MYO10: variants seen among roughly 807,000 people sequenced by gnomAD.
MYO10 encodes the protein unconventional myosin-X.
In MYO10, 133 loss-of-function variants were observed where a neutral mutation model predicts 257.3. The observed-to-expected ratio is 0.52, with a 90% CI of 0.45 to 0.60. MYO10 has a LOEUF of 0.60. Ranked by LOEUF, MYO10 falls within the 20% of genes least tolerant of loss-of-function variation. The pLI, the probability that MYO10 is intolerant of heterozygous loss-of-function variation, is 0.00. For missense variants in MYO10, 2,399 were observed against 2,635.7 expected (o/e 0.91, Z 1.97); for synonymous variants, 1,104 against 1,028.6 (o/e 1.07, Z -1.40).
intron 19 of MYO10, among the ~76,000 whole-genome samples, chr5:16,740,334 C>A (rs544450514): frequency 6.6e-6 from 1 of 150,944 alleles, no homozygotes; most frequent in South Asian, 2.1e-4. Context: ...TAATTCAGGG[C>A]GGCTAATGCT....
At chr5:16,668,593 T>A (rs370450782) in intron 39 of MYO10, 125 bp from the exon 40 acceptor site, 2 of 687,122 alleles carry the variant, frequency 2.9e-6, no homozygotes, top group East Asian at 5.9e-5. Context: ...TCGATGTGCA[T>A]GCATGCATGG....
Position 16,689,841 on chromosome 5 carries a change from C to T in MYO10, c.3879G>A (p.Glu1293=), listed in dbSNP as rs1737414843. Residue 1293 remains glutamate (E), a synonymous_variant, in exon 28 of 41, where the codon GAG becomes GAA. Transcript: ENST00000513610. The part of the protein sequence containing the change: ...MADRTFHLIA[E]SPEDASQWFS... The stretch of plus-strand genomic sequence containing the variant: ...AGACTCACCTGGCATCTTCTGGGGA[C>T]TCTGCAATCAGGTGGAAAGTCCTAT... The T allele has an allele frequency of 6.2e-7, 1 of 1,613,196 alleles. No homozygotes were observed. Among genetic ancestry groups the T allele is most frequent in the Non-Finnish European group, 8.5e-7 (1 of 1,179,280 alleles).
At chr5:16,778,852 G>C (rs559867290) in intron 9 of MYO10, among the ~76,000 whole-genome samples, 94 of 152,114 alleles carry the variant, frequency 6.2e-4, no homozygotes, top group Non-Finnish European at 1.1e-3. Context: ...CACCACGCCC[G>C]GCTAATTGTT....
At chr5:16,668,600 A>AT (rs1736290225) in intron 39 of MYO10, 132 bp from the exon 40 acceptor site, 1 of 626,524 alleles carries the variant, frequency 1.6e-6, no homozygotes, top group East Asian at 3.0e-5. Context: ...GCATGCATGC[A>AT]TGGAGGGGCC....
intron 2 of MYO10, among the ~76,000 whole-genome samples, chr5:16,839,719 T>A (rs933610292): frequency 6.6e-6 from 1 of 152,128 alleles, no homozygotes; most frequent in African/African-American, 2.4e-5. Context: ...CCCACCTGGG[T>A]GACAGAGTGA....
At chr5:16,754,532 G>GA (rs1307316181) in intron 19 of MYO10, among the ~76,000 whole-genome samples, 1 of 149,714 alleles carries the variant, frequency 6.7e-6, no homozygotes, top group Non-Finnish European at 1.5e-5. Flanking sequence ...ATCACACTCT[G>GA]AAACTTTTCC....
chr5:16,900,596 T>C (rs773456216), intron 1 of MYO10, among the ~76,000 whole-genome samples: 5 of 152,004 alleles, frequency 3.3e-5, no homozygotes, highest in East Asian at 1.9e-4. Flanking sequence ...CCGGTGACAA[T>C]TGGATAGAGC....
At chr5:16,689,469 T>C (rs890911) in intron 28 of MYO10, among the ~76,000 whole-genome samples, 44,742 of 151,764 alleles carry the variant, frequency 0.29, 6,758 homozygotes, top group South Asian at 0.38. Flanking sequence ...CAAACACAAA[T>C]GATTCACTTT....
chr5:16,747,933 A>G (rs1296243610), intron 19 of MYO10, among the ~76,000 whole-genome samples: 9 of 123,052 alleles, frequency 7.3e-5, no homozygotes, highest in African/African-American at 4.7e-4. Flanking sequence ...AAAAAAAAAA[A>G]AAAAAAAAAA....
intron 2 of MYO10, among the ~76,000 whole-genome samples, chr5:16,851,184 A>G (rs978872858): frequency 6.6e-6 from 1 of 152,164 alleles, no homozygotes; most frequent in African/African-American, 2.4e-5. Context: ...TCTGAACTTG[A>G]AGTCCTTCAG....
intron 3 of MYO10, among the ~76,000 whole-genome samples, chr5:16,804,737 A>G (rs1742221382): frequency 6.6e-6 from 1 of 152,086 alleles, no homozygotes; most frequent in African/African-American, 2.4e-5. Flanking sequence ...CAATGTGGCG[A>G]AACCCCATCT....
At chr5:16,788,283 A>G (rs1277882060) in intron 4 of MYO10, among the ~76,000 whole-genome samples, 1 of 152,120 alleles carries the variant, frequency 6.6e-6, no homozygotes, top group African/African-American at 2.4e-5. Context: ...AGTGACAGGG[A>G]GGCATCAGGG....
rs964083379 is a variant in MYO10, at chr5:16,681,291, G to A, written c.4384+18C>T. On this transcript the variant is annotated intron_variant, in intron 32 of 40. Transcript: ENST00000513610. ...TTTAAGATTTGATGCTCAGGGTTCG[G>A]GCAGCCAGCCTGGTTACCTGTCTCT... The A allele has an allele frequency of 6.3e-7, 1 of 1,598,704 alleles. No homozygotes were observed. Among genetic ancestry groups the A allele is most frequent in the South Asian group, 1.1e-5 (1 of 88,146 alleles).
intron 8 of MYO10, among the ~76,000 whole-genome samples, chr5:16,779,966 A>G (rs1442835828): frequency 6.6e-6 from 1 of 152,192 alleles, no homozygotes; most frequent in African/African-American, 2.4e-5. Context: ...CAGTGGCACA[A>G]TCTCAGCTCA....
rs1290189637 is a variant in MYO10 at position 16,761,660 on chromosome 5, A to AT, written c.1657-115dup. On this transcript the variant is annotated intron_variant, in intron 16 of 40. Coordinates refer to ENST00000513610, the MANE Select transcript of MYO10 (RefSeq NM_012334.3). ...ATCATTCCAAGAAATTTATTTATTT[A>AT]TTTTTTAAGAGACAGGGTCTTGCTC... is the stretch of plus-strand genomic sequence containing the variant. The AT allele has an allele frequency of 4.3e-5, 35 of 808,244 alleles. No individual in the cohort carries two copies. The East Asian group carries it at 8.7e-4, about 20-fold the overall frequency. The allele number at this position is 808,244 out of a possible 1,614,324, so 50.1% of individuals were successfully genotyped here. A position where few individuals can be genotyped will look rare whatever the true frequency, so the allele number is the denominator to read the frequency against.
chr5:16,922,953 C>T (rs1746030130), intron 1 of MYO10, among the ~76,000 whole-genome samples: 1 of 152,030 alleles, frequency 6.6e-6, no homozygotes, highest in Non-Finnish European at 1.5e-5. Context: ...ATCCCTTGAG[C>T]CTGGGAGGTG....
chr5:16,713,671 G>T (rs546969144), intron 19 of MYO10, among the ~76,000 whole-genome samples: 1 of 152,196 alleles, frequency 6.6e-6, no homozygotes, highest in African/African-American at 2.4e-5. Flanking sequence ...TTGTCGCCCC[G>T]GGCAACCCAC....
In MYO10 at chr5:16,685,848, G is replaced by A; in HGVS notation, c.3897-17C>T. On this transcript the variant is annotated splice_polypyrimidine_tract_variant and intron_variant, in intron 28 of 40. Coordinates refer to ENST00000513610, the MANE Select transcript of MYO10 (RefSeq NM_012334.3). ...AACCACTGGCTGTGGGGAAGAGAGA[G>A]CAACTGTCAAGGAGAGGCCAACCTC... The A allele has an allele frequency of 6.3e-7, 1 of 1,576,194 alleles. No individual in the cohort carries two copies. The highest frequency in any genetic ancestry group is 8.6e-7 in the Non-Finnish European group (1 of 1,160,556).
intron 3 of MYO10, among the ~76,000 whole-genome samples, chr5:16,812,921 CTTTTA>C (rs1270264088): frequency 7.6e-6 from 1 of 132,164 alleles, no homozygotes; most frequent in Non-Finnish European, 1.5e-5. Flanking sequence ...ATTCTGGGTG[CTTTTA>C]TTTTTTTTTT....
Sources: gnomAD v4.1 joint callset for allele counts (sites outside exome capture counted in the v4.1 genomes callset) on GRCh38, gnomAD v4.1.1 for gene constraint, MANE v1.5 for transcripts, NCBI Gene and HGNC (gene_info 2026-07-23, HGNC 2026-07-21) for gene names.